FRMD4A: variants seen among roughly 807,000 people sequenced by gnomAD.
FRMD4A encodes the protein FERM domain containing 4A, also known as FERM domain-containing protein 4A.
FRMD4A carries 29 observed loss-of-function variants against 129.1 expected under a neutral mutation model. The ratio of observed to expected loss-of-function variants is 0.22; its 90% CI spans 0.17 to 0.31. FRMD4A has a LOEUF of 0.31. Among genes scored for constraint, FRMD4A ranks in the 10% least tolerant of loss-of-function variants. The pLI is 1.00. For missense variants in FRMD4A, 1,272 were observed against 1,375.8 expected (o/e 0.92, Z 1.19); for synonymous variants, 634 against 571.6 (o/e 1.11, Z -1.56).
intron 15 of FRMD4A, among the ~76,000 whole-genome samples, chr10:13,677,871 C>T (rs112984455): frequency 3.9e-5 from 6 of 152,334 alleles, no homozygotes; most frequent in African/African-American, 1.4e-4. Context: ...ATTTAAAAAA[C>T]AGACCTAGAG....
intron 2 of FRMD4A, among the ~76,000 whole-genome samples, chr10:13,985,974 T>G (rs1482710423): frequency 6.6e-6 from 1 of 152,212 alleles, no homozygotes; most frequent in Non-Finnish European, 1.5e-5. Flanking sequence ...CCAGCCCCAC[T>G]GTCCCGACAC....
chr10:13,669,148 G>A (rs963043038), intron 17 of FRMD4A, among the ~76,000 whole-genome samples: 8 of 141,156 alleles, frequency 5.7e-5, no homozygotes, highest in South Asian at 2.4e-4. Flanking sequence ...CGCAACCTCC[G>A]ACTCCCGGGT....
chr10:14,095,828 T>C (rs1390468489), intron 2 of FRMD4A, among the ~76,000 whole-genome samples: 3 of 152,074 alleles, frequency 2.0e-5, no homozygotes, highest in Non-Finnish European at 4.4e-5. Flanking sequence ...TTCCAGAGGG[T>C]GGGAGTCCCT....
At chr10:14,274,617 A>G (rs1345142451) in intron 2 of FRMD4A, among the ~76,000 whole-genome samples, 1 of 152,178 alleles carries the variant, frequency 6.6e-6, no homozygotes, top group African/African-American at 2.4e-5. Context: ...TATTTCTCCA[A>G]GGCTGGAAAC....
At chr10:14,197,453 C>T (rs532310262) in intron 2 of FRMD4A, among the ~76,000 whole-genome samples, 10 of 152,260 alleles carry the variant, frequency 6.6e-5, no homozygotes, top group African/African-American at 1.9e-4. Flanking sequence ...AGCCTCCTCC[C>T]GTGTTCAAGC....
rs56192445 is a variant in FRMD4A at position 13,959,471 on chromosome 10, T to TA, written c.46-100560dup. On this transcript the variant is annotated intron_variant, in intron 2 of 24. Transcript: ENST00000357447. ...CGGGTGACAGAGCAAGACTGTTTCA[T>TA]AAAAAAAAAAAAAAAAAAAAAAAAA... 4.5e-3 allele frequency among the ~76,000 whole-genome samples: 239 copies of TA among 53,118 alleles called. 7 individuals carry two copies. Among genetic ancestry groups the TA allele is most frequent in the African/African-American group, 0.015 (197 of 13,032 alleles). 34.8% of individuals were successfully genotyped at this position (53,118 alleles called of 152,430 possible).
chr10:13,681,673 C>T (rs2084606801), intron 15 of FRMD4A, among the ~76,000 whole-genome samples: 1 of 152,064 alleles, frequency 6.6e-6, no homozygotes, highest in Admixed American at 6.6e-5. Flanking sequence ...TATGTAGCTT[C>T]CTCTAAAGCC....
chr10:13,838,252 ATTTTTTTTTTT>A (rs905362746), intron 3 of FRMD4A, among the ~76,000 whole-genome samples: 14 of 125,998 alleles, frequency 1.1e-4, no homozygotes, highest in Admixed American at 4.8e-4. Flanking sequence ...TGCAGAGCTA[ATTTTTTTTTTT>A]TTTTTTTTTT....
chr10:14,158,061 G>A (rs890573914), intron 2 of FRMD4A, among the ~76,000 whole-genome samples: 2 of 152,168 alleles, frequency 1.3e-5, no homozygotes, highest in South Asian at 2.1e-4. Context: ...TGAAGAAGGA[G>A]CGATAGCTCA....
intron 2 of FRMD4A, among the ~76,000 whole-genome samples, chr10:13,867,731 TAAATAAC>T (rs1399062350): frequency 0.019 from 1,643 of 88,450 alleles, 37 homozygotes; most frequent in African/African-American, 0.064. Context: ...TAATATATAA[TAAATAAC>T]ATATAATATA....
chr10:14,205,793 C>T (rs12255944), intron 2 of FRMD4A, among the ~76,000 whole-genome samples: 1,448 of 111,438 alleles, frequency 0.013, 25 homozygotes, highest in African/African-American at 0.049. Context: ...GGCGACAGAG[C>T]GAGACTCTGT....
intron 2 of FRMD4A, among the ~76,000 whole-genome samples, chr10:13,894,290 T>C (rs1193769101): frequency 6.6e-6 from 1 of 152,246 alleles, no homozygotes; most frequent in Non-Finnish European, 1.5e-5. Context: ...ATCCCAGATC[T>C]GATCCCGTAA....
rs66980805 is a variant in FRMD4A, at chr10:13,925,566, C to CTTTTTTTTTTTTTTTTTTTTTTTTT, written c.46-66679_46-66655dup. 6.5e-5 allele frequency among the ~76,000 whole-genome samples: 4 copies of CTTTTTTTTTTTTTTTTTTTTTTTTT among 61,948 alleles called. 1 individual carries two copies. Among genetic ancestry groups the CTTTTTTTTTTTTTTTTTTTTTTTTT allele is most frequent in the East Asian group, 8.0e-4 (1 of 1,248 alleles). The allele number at this position is 61,948 out of a possible 152,430, so 40.6% of individuals were successfully genotyped here. ...TGAAAGTTTCTATTGTAGTGAAACG[C>CTTTTTTTTTTTTTTTTTTTTTTTTT]TTTTTTTTTTTTTTTTTTTTTTTTT... On this transcript the variant is annotated intron_variant, in intron 2 of 24. Coordinates refer to ENST00000357447, the MANE Select transcript of FRMD4A (RefSeq NM_018027.5).
chr10:13,800,763 C>T (rs1199066724), intron 4 of FRMD4A, among the ~76,000 whole-genome samples: 3 of 152,184 alleles, frequency 2.0e-5, no homozygotes, highest in Non-Finnish European at 2.9e-5. Context: ...GTTGGGTTTA[C>T]GCACTGCCAA....
chr10:13,675,921 A>G (rs1215857813), intron 15 of FRMD4A: 1 of 152,072 alleles, frequency 6.6e-6, no homozygotes, highest in Non-Finnish European at 1.5e-5. Flanking sequence ...ATGCTATTGT[A>G]TTTTTTAACT....
At chr10:14,214,413 T>A (rs1005232434) in intron 2 of FRMD4A, among the ~76,000 whole-genome samples, 2 of 152,200 alleles carry the variant, frequency 1.3e-5, no homozygotes, top group Non-Finnish European at 2.9e-5. Flanking sequence ...TGAACGACCT[T>A]AGACAAGTAA....
chr10:13,987,068 C>T (rs4750444), intron 2 of FRMD4A, among the ~76,000 whole-genome samples: 52,508 of 151,932 alleles, frequency 0.35, 9,749 homozygotes, highest in East Asian at 0.72. Flanking sequence ...TCAGATCTCA[C>T]AGATCTCATA....
chr10:13,891,695 G>T (rs1412395717), intron 2 of FRMD4A: 1 of 985,012 alleles, frequency 1.0e-6, no homozygotes, highest in Non-Finnish European at 1.2e-6. Context: ...CGGAACGGGC[G>T]TCCCATTCGC....
intron 2 of FRMD4A, among the ~76,000 whole-genome samples, chr10:14,044,947 C>T (rs1350649372): frequency 6.6e-6 from 1 of 152,122 alleles, no homozygotes; most frequent in Non-Finnish European, 1.5e-5. Context: ...GATAGGGTCT[C>T]ACTGTGTCAC....
Sources: gnomAD v4.1 joint callset for allele counts (sites outside exome capture counted in the v4.1 genomes callset) on GRCh38, gnomAD v4.1.1 for gene constraint, MANE v1.5 for transcripts, NCBI Gene and HGNC (gene_info 2026-07-23, HGNC 2026-07-21) for gene names.